Variants in DTNBP1 observed in about 807,000 individuals in gnomAD.
The protein encoded by DTNBP1 is dystrobrevin binding protein 1.
A neutral mutation model predicts 42.8 loss-of-function variants in DTNBP1; 35 were observed. That is an observed-to-expected ratio of 0.82 (90% CI 0.63 to 1.09). The LOEUF is 1.09. Among genes scored for constraint, DTNBP1 ranks in the 50% least tolerant of loss-of-function variants. DTNBP1 has a pLI of 0.00. For missense variants in DTNBP1, 457 were observed against 424.2 expected, an observed-to-expected ratio of 1.08 and a Z score of -0.68; for synonymous variants, 171 against 162.2, an observed-to-expected ratio of 1.05 and a Z score of -0.41.
intron 7 of DTNBP1, among the ~76,000 whole-genome samples, chr6:15,581,377 A>G (rs1390153581): frequency 1.3e-5 from 2 of 150,676 alleles, no homozygotes; most frequent in Non-Finnish European, 2.9e-5. Context: ...ACAGGGTTTC[A>G]CCATCTTGGT....
rs188121629 is a variant in DTNBP1, at chr6:15,549,400, G to C, written c.512-16005C>G. Among the ~76,000 whole-genome samples, 3 of 149,914 alleles carry C rather than the reference G, an allele frequency of 2.0e-5. No individual in the cohort carries two copies. In the East Asian group the frequency reaches 5.9e-4, roughly 29 times the overall value. ...GTCGGGAGGCCGAGACAGGTGAGTCGCTTGAACCCAGGAGGCGGAGGCTGC... is the reference window on the plus strand; with the variant it reads ...GTCGGGAGGCCGAGACAGGTGAGTCCCTTGAACCCAGGAGGCGGAGGCTGC... On this transcript the variant is annotated intron_variant, in intron 7 of 9. Coordinates refer to ENST00000344537, the MANE Select transcript of DTNBP1 (RefSeq NM_032122.5).
Position 15,560,116 on chromosome 6 carries a change from G to A in DTNBP1, c.512-26721C>T, listed in dbSNP as rs561372527. On this transcript the variant is annotated intron_variant, in intron 7 of 9. Transcript: ENST00000344537. ...TGGTCAGGATATCAAGACCATCCTG[G>A]CTAACAGGGGGAACCCCATCTCTAC... 1.4e-4 allele frequency among the ~76,000 whole-genome samples: 21 copies of A among 152,200 alleles called. No individual in the cohort carries two copies. The South Asian group carries it at 4.4e-3, about 32-fold the overall frequency.
At chr6:15,606,530 C>T (rs996916892) in intron 6 of DTNBP1, among the ~76,000 whole-genome samples, 6 of 152,066 alleles carry the variant, frequency 3.9e-5, no homozygotes, top group African/African-American at 7.2e-5. Flanking sequence ...AAATTGCTGC[C>T]CTGCCCACAC....
In DTNBP1 at chr6:15,662,840, C is replaced by T. The variant is rs758551198; in HGVS notation, c.30G>A (p.Leu10=). The change falls in exon 1 of 10, where the codon CTG becomes CTA. Residue 10 remains leucine (L), a synonymous_variant. Transcript: ENST00000344537. MLETLRERL[L]SVQQDFTSGL... ...CGGAGGTGAAATCCTGCTGCACGCT[C>T]AGCAGCCGCTCGCGAAGGGTCTCCA... 1 of 1,610,192 alleles carries T rather than the reference C, an allele frequency of 6.2e-7. No individual in the cohort carries two copies. Among genetic ancestry groups the T allele is most frequent in the South Asian group, 1.1e-5 (1 of 91,076 alleles).
intron 7 of DTNBP1, among the ~76,000 whole-genome samples, chr6:15,563,838 G>T (rs1042262489): frequency 2.0e-5 from 3 of 152,122 alleles, no homozygotes. Flanking sequence ...CTGGGCCGAG[G>T]TTCCCGCGGT....
chr6:15,622,017 G>A (rs1025611186), intron 5 of DTNBP1, among the ~76,000 whole-genome samples: 2 of 152,126 alleles, frequency 1.3e-5, no homozygotes, highest in African/African-American at 2.4e-5. Context: ...GGGCCTTAAA[G>A]GTGCAGACTG....
chr6:15,574,882 G>A (rs550702186), intron 7 of DTNBP1, among the ~76,000 whole-genome samples: 50 of 152,286 alleles, frequency 3.3e-4, no homozygotes, highest in African/African-American at 1.2e-3. Context: ...AAGAGTGACA[G>A]GTTTCTGAGT....
chr6:15,539,383 G>A (rs1308907266), intron 7 of DTNBP1, among the ~76,000 whole-genome samples: 1 of 152,146 alleles, frequency 6.6e-6, no homozygotes, highest in Non-Finnish European at 1.5e-5. Context: ...TTTGGGCTAG[G>A]CCCAACTCAG....
chr6:15,524,100 C>G, intron 9 of DTNBP1: 1 of 1,336,490 alleles, frequency 7.5e-7, no homozygotes, highest in Non-Finnish European at 9.8e-7. Flanking sequence ...GAGCTGAACA[C>G]ACACCATGGC....
chr6:15,534,175 G>C (rs186309775), intron 7 of DTNBP1, among the ~76,000 whole-genome samples: 2 of 152,338 alleles, frequency 1.3e-5, no homozygotes, highest in South Asian at 2.1e-4. Flanking sequence ...GCTGGGGAGA[G>C]GGCGTGGGAG....
intron 4 of DTNBP1, among the ~76,000 whole-genome samples, chr6:15,632,057 T>A (rs560679218): frequency 6.6e-6 from 1 of 152,344 alleles, no homozygotes; most frequent in Non-Finnish European, 1.5e-5. Flanking sequence ...CATATTTTAC[T>A]GTGTACTGGC....
At chr6:15,556,123 G>C (rs1420246860) in intron 7 of DTNBP1, among the ~76,000 whole-genome samples, 6 of 152,020 alleles carry the variant, frequency 3.9e-5, no homozygotes, top group African/African-American at 1.4e-4. Flanking sequence ...TAATCCCCGG[G>C]TTAAAATGCC....
In DTNBP1 at chr6:15,523,144, G is replaced by C; in HGVS notation, c.887C>G (p.Pro296Arg). Residue 296 changes from proline to arginine, a missense_variant, in exon 10 of 10, where the codon CCT becomes CGT. Pro to Arg is a moderately radical substitution (Grantham distance 103). Transcript: ENST00000344537. ...PNPSELRAKP[P>R]SSSSTCTDSA... The stretch of plus-strand genomic sequence containing the variant: ...GTCGGTGCAGGTGGAGGAAGAAGAA[G>C]GTGGCTTGGCTCTTAATTCTGAGGG... 1 of 1,614,230 alleles carries C rather than the reference G, an allele frequency of 6.2e-7. No homozygotes were observed. Among genetic ancestry groups the C allele is most frequent in the Non-Finnish European group, 8.5e-7 (1 of 1,180,046 alleles).
At chr6:15,544,713 G>A (rs1465549708) in intron 7 of DTNBP1, among the ~76,000 whole-genome samples, 1 of 152,224 alleles carries the variant, frequency 6.6e-6, no homozygotes, top group Non-Finnish European at 1.5e-5. Context: ...TGCTCAACCA[G>A]TAAGTGCATA....
intron 7 of DTNBP1, among the ~76,000 whole-genome samples, chr6:15,560,508 G>A (rs778314205): frequency 6.6e-6 from 1 of 152,162 alleles, no homozygotes; most frequent in Non-Finnish European, 1.5e-5. Flanking sequence ...CATAAGTACA[G>A]TAAGAATCTG....
At chr6:15,658,589 C>A (rs1218210369) in intron 1 of DTNBP1, among the ~76,000 whole-genome samples, 1 of 152,170 alleles carries the variant, frequency 6.6e-6, no homozygotes, top group African/African-American at 2.4e-5. Context: ...CTGTGACAGG[C>A]AGCTGTAAAC....
intron 7 of DTNBP1, among the ~76,000 whole-genome samples, chr6:15,551,924 C>T (rs924503914): frequency 2.0e-4 from 30 of 152,204 alleles, no homozygotes; most frequent in Admixed American, 1.6e-3. Flanking sequence ...GCAGGCCAGA[C>T]GTTTGAGGTG....
At chr6:15,573,119 A>T (rs760665) in intron 7 of DTNBP1, among the ~76,000 whole-genome samples, 126,001 of 152,254 alleles carry the variant, frequency 0.83, 52,489 homozygotes, top group East Asian at 1. Flanking sequence ...AGATTAAACC[A>T]TGTTTATCCC....
At chr6:15,592,002 C>T (rs1361069564) in intron 7 of DTNBP1, among the ~76,000 whole-genome samples, 1 of 152,186 alleles carries the variant, frequency 6.6e-6, no homozygotes, top group Non-Finnish European at 1.5e-5. Flanking sequence ...TTAACATTAC[C>T]TTCAACAAAC....
Sources: gnomAD v4.1 joint callset for allele counts (sites outside exome capture counted in the v4.1 genomes callset) on GRCh38, gnomAD v4.1.1 for gene constraint, MANE v1.5 for transcripts, NCBI Gene and HGNC (gene_info 2026-07-23, HGNC 2026-07-21) for gene names.